Variants in KCNAB1 observed in about 807,000 individuals in gnomAD.
The protein encoded by KCNAB1 is voltage-gated potassium channel subunit beta-1.
In KCNAB1, 35 loss-of-function variants were observed where a neutral mutation model predicts 64.6. The observed-to-expected ratio is 0.54, with a 90% CI of 0.41 to 0.72. KCNAB1 has a LOEUF of 0.72. Ranked by LOEUF, KCNAB1 falls within the 30% of genes least tolerant of loss-of-function variation. The pLI, the probability that KCNAB1 is intolerant of heterozygous loss-of-function variation, is 0.00. For synonymous variants in KCNAB1, 177 were observed against 183.8 expected, an observed-to-expected ratio of 0.96 and a Z score of 0.30; for missense variants, 401 against 512.9, an observed-to-expected ratio of 0.78 and a Z score of 2.11.
intron 1 of KCNAB1, among the ~76,000 whole-genome samples, chr3:156,251,474 A>G (rs966332985): frequency 2.6e-5 from 4 of 152,238 alleles, no homozygotes; most frequent in African/African-American, 4.8e-5. Context: ...CTGAAACTAT[A>G]TGGAATATCT....
chr3:156,370,263 C>T (rs1726215970), intron 1 of KCNAB1, among the ~76,000 whole-genome samples: 2 of 152,192 alleles, frequency 1.3e-5, no homozygotes, highest in African/African-American at 4.8e-5. Flanking sequence ...GTTGAAGCTA[C>T]TCAGGGAAGG....
intron 1 of KCNAB1, among the ~76,000 whole-genome samples, chr3:156,388,046 G>A (rs1283783763): frequency 6.6e-6 from 1 of 152,172 alleles, no homozygotes; most frequent in Non-Finnish European, 1.5e-5. Flanking sequence ...AGACATAAAT[G>A]TCTTATGGTC....
At chr3:156,373,521 G>A (rs3772249) in intron 1 of KCNAB1, among the ~76,000 whole-genome samples, 23,080 of 152,194 alleles carry the variant, frequency 0.15, 1,952 homozygotes, top group Middle Eastern at 0.21. Context: ...AAGCTGAAGT[G>A]CATTTTAAAT....
At chr3:156,398,332 C>T (rs962213118) in intron 1 of KCNAB1, among the ~76,000 whole-genome samples, 1 of 152,176 alleles carries the variant, frequency 6.6e-6, no homozygotes, top group African/African-American at 2.4e-5. Flanking sequence ...GTGGCTCACG[C>T]CTGTAATCCC....
chr3:156,283,073 C>T (rs1277991878), intron 1 of KCNAB1, among the ~76,000 whole-genome samples: 2 of 151,814 alleles, frequency 1.3e-5, no homozygotes, highest in East Asian at 1.9e-4. Context: ...ATGGTCTTTA[C>T]ATTTTGGCAT....
intron 1 of KCNAB1, among the ~76,000 whole-genome samples, chr3:156,137,794 G>T (rs1036745134): frequency 3.2e-4 from 48 of 150,258 alleles, no homozygotes; most frequent in Non-Finnish European, 5.9e-5. Flanking sequence ...GACCTCAGAT[G>T]ATCCACCTAC....
intron 2 of KCNAB1, among the ~76,000 whole-genome samples, chr3:156,437,114 A>T (rs1014449952): frequency 6.6e-6 from 1 of 152,138 alleles, no homozygotes; most frequent in Admixed American, 6.5e-5. Context: ...TGTGATATCC[A>T]CAGTGTCCTA....
rs149543019 is a variant in KCNAB1, at chr3:156,497,482, A to G, written c.659-16882A>G. On this transcript the variant is annotated intron_variant, in intron 8 of 13. Coordinates refer to ENST00000490337, the MANE Select transcript of KCNAB1 (RefSeq NM_172160.3). ...GACAGAATTCCTTTTAAAATAGTTA[A>G]AAGCCTGTCCCAAGAAGCTGATACA... 7.0e-3 allele frequency among the ~76,000 whole-genome samples: 1,068 copies of G among 152,332 alleles called. 5 individuals carry two copies. Among genetic ancestry groups the G allele is most frequent in the Admixed American group, 0.01 (159 of 15,298 alleles).
intron 2 of KCNAB1, chr3:156,441,505 A>G (rs1716996110): frequency 6.6e-6 from 1 of 152,182 alleles, no homozygotes; most frequent in African/African-American, 2.4e-5. Flanking sequence ...AGACACTATG[A>G]AAATAATTCG....
intron 1 of KCNAB1, chr3:156,292,050 G>A: frequency 6.2e-7 from 1 of 1,614,162 alleles, no homozygotes; most frequent in South Asian, 1.1e-5. Flanking sequence ...ATCATCGCGC[G>A]CAGCCTGGGG....
intron 1 of KCNAB1, among the ~76,000 whole-genome samples, chr3:156,419,699 G>A (rs1226902095): frequency 6.6e-6 from 1 of 151,934 alleles, no homozygotes; most frequent in African/African-American, 2.4e-5. Context: ...TAAGCCTGAG[G>A]AAGCCACCAC....
chr3:156,483,508 T>C (rs190320700), intron 8 of KCNAB1, among the ~76,000 whole-genome samples: 4 of 152,258 alleles, frequency 2.6e-5, no homozygotes, highest in Admixed American at 1.3e-4. Flanking sequence ...CTCTACTTTG[T>C]TGATGGCCAC....
At chr3:156,483,772 T>C (rs1715003332) in intron 8 of KCNAB1, among the ~76,000 whole-genome samples, 1 of 152,130 alleles carries the variant, frequency 6.6e-6, no homozygotes, top group Non-Finnish European at 1.5e-5. Flanking sequence ...ATTTCCAGCA[T>C]TAACAAGAGG....
chr3:156,219,309 AAAATGCCCTGG>A (rs1173621089), intron 1 of KCNAB1, among the ~76,000 whole-genome samples: 1 of 152,074 alleles, frequency 6.6e-6, no homozygotes, highest in African/African-American at 2.4e-5. Context: ...AGAGAAATGC[AAAATGCCCTGG>A]AAAGTCTCAG....
At chr3:156,220,980 T>C (rs6784161) in intron 1 of KCNAB1, among the ~76,000 whole-genome samples, 2,320 of 152,338 alleles carry the variant, frequency 0.015, 72 homozygotes, top group African/African-American at 0.054. Flanking sequence ...GGGAATCCTT[T>C]CCCCATTGCT....
In KCNAB1 at chr3:156,516,216, C is replaced by G. The variant is rs1717549364; in HGVS notation, c.866-54C>G. Reference sequence around the variant, plus strand: ...TAAACACTACTGCCCCCACCGCCACCCACCTTTTGATCCCAATTTGCACAA... The same window carrying G: ...TAAACACTACTGCCCCCACCGCCACGCACCTTTTGATCCCAATTTGCACAA... On this transcript the variant is annotated intron_variant, in intron 10 of 13. Coordinates refer to ENST00000490337, the MANE Select transcript of KCNAB1 (RefSeq NM_172160.3). The G allele has an allele frequency of 5.3e-6, 7 of 1,314,050 alleles. No homozygotes were observed. In the Admixed American group the frequency reaches 1.0e-4, roughly 19 times the overall value. 81.4% of individuals were successfully genotyped at this position (1,314,050 alleles called of 1,614,324 possible). A position where few individuals can be genotyped will look rare whatever the true frequency, so the allele number is the denominator to read the frequency against.
At chr3:156,222,437 A>G (rs1715838156) in intron 1 of KCNAB1, among the ~76,000 whole-genome samples, 1 of 152,178 alleles carries the variant, frequency 6.6e-6, no homozygotes, top group East Asian at 1.9e-4. Context: ...AACAATTACT[A>G]CTATACCTAA....
At chr3:156,289,936 C>T (rs1271168190) in intron 1 of KCNAB1, among the ~76,000 whole-genome samples, 1 of 152,100 alleles carries the variant, frequency 6.6e-6, no homozygotes, top group Non-Finnish European at 1.5e-5. Flanking sequence ...TCTTCCTCTC[C>T]TGCTAATCAA....
rs1712082353 is a variant in KCNAB1 at position 156,452,505 on chromosome 3, A to G, written c.320-394A>G. Among the ~76,000 whole-genome samples the G allele has an allele frequency of 6.6e-6, 1 of 152,232 alleles. No homozygotes were observed. Among genetic ancestry groups the G allele is most frequent in the Admixed American group, 6.5e-5 (1 of 15,280 alleles). On this transcript the variant is annotated intron_variant, in intron 2 of 13. Coordinates refer to ENST00000490337, the MANE Select transcript of KCNAB1 (RefSeq NM_172160.3). This position sits in a 1 kb window ranked among gnomAD's most constrained non-coding sequence, Gnocchi z 4.6. ...TTTGGAGGCAAAGAAGGGGAGAACTATAACCATAACCCAAGGTCTTACCTT... is the reference window on the plus strand; with the variant it reads ...TTTGGAGGCAAAGAAGGGGAGAACTGTAACCATAACCCAAGGTCTTACCTT...
Sources: allele counts gnomAD v4.1 joint callset (sites outside exome capture counted in the v4.1 genomes callset), GRCh38; gene constraint gnomAD v4.1.1; non-coding constraint Gnocchi (gnomAD v3.1); transcripts MANE v1.5; gene names NCBI Gene and HGNC (gene_info 2026-07-23, HGNC 2026-07-21).